Variants in PLD1 observed in about 807,000 individuals in gnomAD.
PLD1 encodes the protein phospholipase D1, also known as choline phosphatase 1.
In PLD1, 112 loss-of-function variants were observed where a neutral mutation model predicts 137.1. The ratio of observed to expected loss-of-function variants is 0.82; its 90% confidence interval spans 0.70 to 0.96. The LOEUF is 0.96. Among genes scored for constraint, PLD1 ranks in the 40% least tolerant of loss-of-function variants. PLD1 has a pLI of 0.00. For synonymous variants in PLD1, 431 were observed against 454.7 expected, an observed-to-expected ratio of 0.95 and a Z score of 0.66; for missense variants, 1,321 against 1,342.0, an observed-to-expected ratio of 0.98 and a Z score of 0.24.
At chr3:171,674,979 C>CAA (rs376402019) in intron 18 of PLD1, among the ~76,000 whole-genome samples, 15,163 of 74,692 alleles carry the variant, frequency 0.2, 1,433 homozygotes, top group South Asian at 0.28. Context: ...ATCTCCATCT[C>CAA]AAAAAAAAAA....
chr3:171,656,956 C>T (rs987045646), intron 21 of PLD1, among the ~76,000 whole-genome samples: 1 of 152,210 alleles, frequency 6.6e-6, no homozygotes, highest in Non-Finnish European at 1.5e-5. Flanking sequence ...ACAGGCCCAA[C>T]ACATTTGCCT....
intron 16 of PLD1, 42 bp from the exon 17 acceptor site, chr3:171,677,736 TGAGTC>T: frequency 6.3e-7 from 1 of 1,594,606 alleles, no homozygotes; most frequent in Non-Finnish European, 8.5e-7. Context: ...GTGGTTCAGG[TGAGTC>T]CCAGAAAGGG....
intron 23 of PLD1, among the ~76,000 whole-genome samples, chr3:171,638,047 C>T (rs1265863231): frequency 5.9e-5 from 9 of 151,846 alleles, no homozygotes; most frequent in Non-Finnish European, 1.2e-4. Context: ...TAGCCAGGTG[C>T]GGCGATGGGC....
intron 6 of PLD1, among the ~76,000 whole-genome samples, chr3:171,726,462 G>A (rs774172107): frequency 1.3e-5 from 2 of 152,170 alleles, no homozygotes; most frequent in African/African-American, 2.4e-5. Flanking sequence ...AGTGATATTG[G>A]TGCAGGATCT....
At chr3:171,740,757 C>T (rs1719720777) in intron 1 of PLD1, among the ~76,000 whole-genome samples, 1 of 152,136 alleles carries the variant, frequency 6.6e-6, no homozygotes, top group African/African-American at 2.4e-5. Flanking sequence ...AAGAAAACAT[C>T]TTATCATTTA....
intron 18 of PLD1, among the ~76,000 whole-genome samples, chr3:171,675,993 C>A (rs1184966635): frequency 6.6e-6 from 1 of 152,046 alleles, no homozygotes; most frequent in Non-Finnish European, 1.5e-5. Flanking sequence ...CAGGCACCCA[C>A]CACCATGCCC....
In PLD1 at chr3:171,680,234, T is replaced by C. The variant is rs9881170; in HGVS notation, c.1868-2540A>G. On this transcript the variant is annotated intron_variant, in intron 16 of 26. Transcript: ENST00000351298. Reference sequence around the variant, plus strand: ...TTTCTCCTGTCTTTTTGTTTTCTTTTTCTTCCTCTTTTTTTTTTTTTTTTT... The same window carrying C: ...TTTCTCCTGTCTTTTTGTTTTCTTTCTCTTCCTCTTTTTTTTTTTTTTTTT... Among the ~76,000 whole-genome samples the C allele has an allele frequency of 2.4e-5, 3 of 122,482 alleles. 1 individual carries two copies. In the East Asian group the frequency reaches 6.9e-4, roughly 28 times the overall value. The allele number at this position is 122,482 out of a possible 152,430, so 80.4% of individuals were successfully genotyped here. A position where few individuals can be genotyped will look rare whatever the true frequency, so the allele number is the denominator to read the frequency against.
At chr3:171,673,582 A>C (rs1713019436) in intron 19 of PLD1, among the ~76,000 whole-genome samples, 1 of 152,132 alleles carries the variant, frequency 6.6e-6, no homozygotes, top group Admixed American at 6.6e-5. Context: ...TTTTTAAAAA[A>C]AGTTCTATTA....
chr3:171,639,502 C>CATAATAA (rs1216015666), intron 23 of PLD1, among the ~76,000 whole-genome samples: 18 of 107,106 alleles, frequency 1.7e-4, no homozygotes, highest in Admixed American at 9.4e-4. Context: ...TTATTTAATA[C>CATAATAA]ATAATAAATA....
At chr3:171,694,957 A>G (rs1715546453) in intron 12 of PLD1, among the ~76,000 whole-genome samples, 1 of 152,200 alleles carries the variant, frequency 6.6e-6, no homozygotes, top group African/African-American at 2.4e-5. Context: ...ATGAGGAAGC[A>G]ATTAAAGATA....
chr3:171,690,857 C>T (rs1417448608), intron 13 of PLD1, among the ~76,000 whole-genome samples: 4 of 152,248 alleles, frequency 2.6e-5, no homozygotes, highest in Non-Finnish European at 4.4e-5. Context: ...GTTTACTGTA[C>T]GTTCAAGTCC....
At chr3:171,780,629 TAG>T (rs1327833619) in intron 1 of PLD1, among the ~76,000 whole-genome samples, 2 of 151,930 alleles carry the variant, frequency 1.3e-5, no homozygotes, top group African/African-American at 4.8e-5. Flanking sequence ...GCGTCAATGA[TAG>T]AGAGATCAAT....
At chr3:171,619,582 T>C (rs1464778692) in intron 24 of PLD1, among the ~76,000 whole-genome samples, 1 of 152,200 alleles carries the variant, frequency 6.6e-6, no homozygotes, top group Non-Finnish European at 1.5e-5. Context: ...ACATGCATGT[T>C]AGGAAAAATA....
intron 14 of PLD1, among the ~76,000 whole-genome samples, 182 bp from the exon 15 acceptor site, chr3:171,687,766 C>A (rs1040215850): frequency 6.6e-6 from 1 of 152,114 alleles, no homozygotes; most frequent in African/African-American, 2.4e-5. Context: ...TTAAAAACTA[C>A]CAAAGGAATA....
chr3:171,754,016 C>G (rs941630050), intron 1 of PLD1, among the ~76,000 whole-genome samples: 2 of 152,200 alleles, frequency 1.3e-5, no homozygotes, highest in African/African-American at 4.8e-5. Flanking sequence ...GGACTCATAT[C>G]AGGTGTCACC....
intron 1 of PLD1, chr3:171,791,945 G>A (rs1042656545): frequency 6.5e-6 from 1 of 152,690 alleles, no homozygotes; most frequent in Non-Finnish European, 1.5e-5. Flanking sequence ...CTTCCTTTCA[G>A]AGTTCCGGAA....
chr3:171,644,976 C>G lies in PLD1; in HGVS notation c.2477G>C (p.Gly826Ala). Residue 826 changes from glycine (G) to alanine (A), a missense_variant, in exon 22 of 27, where the codon GGG becomes GCG. By Grantham distance (60) the Gly-to-Ala change is moderately conservative (BLOSUM62 0). Transcript: ENST00000351298. ...RVYVVIPLLP[G>A]FEGDISTGGG... is the part of the protein sequence containing the mutation. ...GCCGGTTGAAATGTCTCCTTCGAAC[C>G]CTGGCAGAAGTGGTATCACGACATA... 6.2e-7 allele frequency: 1 copy of G among 1,613,952 alleles called. No individual in the cohort carries two copies. Among genetic ancestry groups the G allele is most frequent in the Non-Finnish European group, 8.5e-7 (1 of 1,179,894 alleles).
chr3:171,778,518 A>G (rs1722664777), intron 1 of PLD1, among the ~76,000 whole-genome samples: 1 of 152,230 alleles, frequency 6.6e-6, no homozygotes, highest in South Asian at 2.1e-4. Flanking sequence ...TCCTTAGATA[A>G]GATGGTCAGA....
At chr3:171,625,559 C>T (rs969822531) in intron 23 of PLD1, among the ~76,000 whole-genome samples, 1 of 152,216 alleles carries the variant, frequency 6.6e-6, no homozygotes, top group African/African-American at 2.4e-5. Context: ...TCAAGTGGGT[C>T]CCTGACCCCT....
Sources: allele counts gnomAD v4.1 joint callset (sites outside exome capture counted in the v4.1 genomes callset), GRCh38; gene constraint gnomAD v4.1.1; transcripts MANE v1.5; gene names NCBI Gene and HGNC (gene_info 2026-07-23, HGNC 2026-07-21).